The following RGL1 variants were observed in gnomAD, a reference collection of about 807,000 sequenced individuals.
RGL1 encodes the protein ral guanine nucleotide dissociation stimulator like 1.
RGL1 carries 24 observed loss-of-function variants against 95.2 expected under a neutral mutation model. The ratio of observed to expected loss-of-function variants is 0.25; its 90% CI spans 0.18 to 0.35. The LOEUF (loss-of-function observed/expected upper bound fraction) is 0.35. Among genes scored for constraint, RGL1 ranks in the 10% least tolerant of loss-of-function variants. The probability of loss-of-function intolerance (pLI) is 1.00; values close to 1 mark genes in which losing one functional copy is unlikely to be tolerated. For synonymous variants in RGL1, 329 were observed against 344.9 expected, an observed-to-expected ratio of 0.95 and a Z score of 0.51; for missense variants, 715 against 936.3, an observed-to-expected ratio of 0.76 and a Z score of 3.08.
chr1:183,834,748 G>A (rs769918738), intron 2 of RGL1, among the ~76,000 whole-genome samples: 4 of 152,078 alleles, frequency 2.6e-5, no homozygotes, highest in Non-Finnish European at 4.4e-5. Context: ...GAGTGCAGTG[G>A]CACAATCATA....
intron 14 of RGL1, among the ~76,000 whole-genome samples, chr1:183,908,211 C>T (rs1287423732): frequency 6.6e-6 from 1 of 152,024 alleles, no homozygotes; most frequent in African/African-American, 2.4e-5. Flanking sequence ...TGATATTTCC[C>T]AGCACTGTCT....
intron 4 of RGL1, among the ~76,000 whole-genome samples, chr1:183,875,043 A>T (rs55726558): frequency 3.0e-4 from 45 of 152,270 alleles, no homozygotes; most frequent in Admixed American, 1.4e-3. Context: ...AAATCTTCTT[A>T]CCTTTTCATT....
intron 1 of RGL1, among the ~76,000 whole-genome samples, chr1:183,686,734 A>C (rs550620992): frequency 1.3e-5 from 2 of 152,298 alleles, no homozygotes; most frequent in African/African-American, 4.8e-5. Flanking sequence ...ATGACTTTAA[A>C]TACCATCTGT....
At chr1:183,637,178 G>C (rs543362716) in intron 1 of RGL1, among the ~76,000 whole-genome samples, 1 of 152,240 alleles carries the variant, frequency 6.6e-6, no homozygotes, top group Non-Finnish European at 1.5e-5. Context: ...TATCACGAAA[G>C]TGTTTCCAAG....
intron 1 of RGL1, among the ~76,000 whole-genome samples, chr1:183,708,354 C>T (rs544123917): frequency 4.6e-5 from 7 of 152,234 alleles, no homozygotes; most frequent in African/African-American, 1.4e-4. Context: ...GTTCATGTTC[C>T]CTTCCCCCTC....
intron 1 of RGL1, among the ~76,000 whole-genome samples, chr1:183,741,454 CTG>C (rs945067979): frequency 2.0e-5 from 3 of 152,136 alleles, no homozygotes; most frequent in African/African-American, 7.2e-5. Flanking sequence ...CTTACAGTAA[CTG>C]TTAGCGAAAC....
intron 3 of RGL1, among the ~76,000 whole-genome samples, chr1:183,865,678 G>A (rs551451172): frequency 6.6e-6 from 1 of 152,042 alleles, no homozygotes; most frequent in African/African-American, 2.4e-5. Flanking sequence ...TGCCTTCTTC[G>A]TATTATGTAA....
At chr1:183,919,809 C>G (rs1669210114) in intron 16 of RGL1, among the ~76,000 whole-genome samples, 1 of 152,142 alleles carries the variant, frequency 6.6e-6, no homozygotes, top group South Asian at 2.1e-4. Flanking sequence ...AGGGCGACAC[C>G]AAAGCATCGT....
chr1:183,694,475 A>T (rs558027515), intron 1 of RGL1, among the ~76,000 whole-genome samples: 41 of 152,294 alleles, frequency 2.7e-4, no homozygotes, highest in Non-Finnish European at 5.0e-4. Context: ...TCTAGCTATG[A>T]GATAATATTA....
intron 2 of RGL1, among the ~76,000 whole-genome samples, chr1:183,826,015 A>G (rs1274359291): frequency 7.0e-6 from 1 of 143,404 alleles, no homozygotes; most frequent in African/African-American, 2.5e-5. Flanking sequence ...AAATCAATCA[A>G]TCAATCAATC....
chr1:183,850,656 G>T (rs1215531468), intron 3 of RGL1, among the ~76,000 whole-genome samples: 2 of 152,146 alleles, frequency 1.3e-5, no homozygotes, highest in African/African-American at 4.8e-5. Flanking sequence ...GACAAAATAG[G>T]CCTGGAATAT....
intron 1 of RGL1, among the ~76,000 whole-genome samples, chr1:183,741,030 G>A (rs1016855952): frequency 1.3e-5 from 2 of 152,126 alleles, no homozygotes; most frequent in Non-Finnish European, 2.9e-5. Context: ...TTGGGATGGG[G>A]ATTGGAGAGA....
In RGL1 at chr1:183,724,619, T is replaced by G. The variant is rs1408736160; in HGVS notation, c.-32-17507T>G. 6.6e-6 allele frequency among the ~76,000 whole-genome samples: 1 copy of G among 151,948 alleles called. No homozygotes were observed. The highest frequency in any genetic ancestry group is 1.5e-5 in the Non-Finnish European group (1 of 67,986). On this transcript the variant is annotated intron_variant, in intron 1 of 18. Coordinates refer to the RGL1 transcript ENST00000304685. This position sits in a 1 kb window ranked among gnomAD's most constrained non-coding sequence, Gnocchi z 4.1. ...AGGGAGGAGTATGAGGGACTTTATA[T>G]TGTAGTTTGGGTGTCAGCACAGCAG... is the stretch of plus-strand genomic sequence containing the variant.
chr1:183,681,666 G>A (rs888312796), intron 1 of RGL1, among the ~76,000 whole-genome samples: 2 of 152,156 alleles, frequency 1.3e-5, no homozygotes, highest in Non-Finnish European at 1.5e-5. Context: ...CCAGGCGTTG[G>A]TATCAGGATG....
intron 1 of RGL1, chr1:183,741,984 G>A: frequency 1.7e-6 from 1 of 576,426 alleles, no homozygotes; most frequent in Non-Finnish European, 3.0e-6. Context: ...GAATATAAAA[G>A]TGGCCATAAA....
intron 1 of RGL1, among the ~76,000 whole-genome samples, chr1:183,651,849 C>T (rs1430790776): frequency 1.3e-5 from 2 of 152,200 alleles, no homozygotes; most frequent in African/African-American, 2.4e-5. Context: ...TGCTTACTCC[C>T]GAGCATTGTT....
At chr1:183,656,687 C>T (rs895530423) in intron 1 of RGL1, among the ~76,000 whole-genome samples, 15 of 152,150 alleles carry the variant, frequency 9.9e-5, no homozygotes, top group Non-Finnish European at 4.4e-5. Context: ...ATTTGCCAGT[C>T]GTTCCTTGCT....
intron 2 of RGL1, among the ~76,000 whole-genome samples, chr1:183,784,310 G>C (rs1660045203): frequency 6.6e-6 from 1 of 152,216 alleles, no homozygotes; most frequent in South Asian, 2.1e-4. Context: ...GGAAATACAG[G>C]AACAGGTGGC....
chr1:183,897,965 C>A, intron 10 of RGL1, 68 bp downstream of exon 10: 1 of 1,322,758 alleles, frequency 7.6e-7, no homozygotes, highest in Non-Finnish European at 1.1e-6. Flanking sequence ...TGGGCTCCCA[C>A]ATGGCACTGG....
Sources: gnomAD v4.1 joint callset for allele counts (sites outside exome capture counted in the v4.1 genomes callset) on GRCh38, gnomAD v4.1.1 for gene constraint, Gnocchi (gnomAD v3.1) non-coding constraint, MANE v1.5 for transcripts, NCBI Gene and HGNC (gene_info 2026-07-23, HGNC 2026-07-21) for gene names.